SLC4A10: variants seen among roughly 807,000 people sequenced by gnomAD.
SLC4A10 encodes sodium-driven chloride bicarbonate exchanger.
SLC4A10 carries 42 observed loss-of-function variants against 137.7 expected under a neutral mutation model. The ratio of observed to expected loss-of-function variants is 0.30; its 90% CI spans 0.24 to 0.39. The LOEUF is 0.39. Ranked by LOEUF, SLC4A10 falls within the 10% of genes least tolerant of loss-of-function variation. The pLI is 1.00. For missense variants in SLC4A10, 925 were observed against 1,355.0 expected (o/e 0.68, Z 4.98); for synonymous variants, 474 against 464.1 (o/e 1.02, Z -0.27).
chr2:161,833,007 A>C (rs1173118916), intron 3 of SLC4A10, among the ~76,000 whole-genome samples: 4 of 152,192 alleles, frequency 2.6e-5, no homozygotes, highest in African/African-American at 9.6e-5. Context: ...CCCAAAGTGC[A>C]GTGTTGGGAT....
At chr2:161,625,648 G>C (rs1247421985) in intron 1 of SLC4A10, among the ~76,000 whole-genome samples, 2 of 152,042 alleles carry the variant, frequency 1.3e-5, no homozygotes, top group East Asian at 3.9e-4. Context: ...TCCGTAGGAG[G>C]AGTGGGCAAA....
intron 18 of SLC4A10, 30 bp from the exon 19 acceptor site, chr2:161,950,657 A>G (rs1694640740): frequency 6.4e-7 from 1 of 1,560,364 alleles, no homozygotes; most frequent in East Asian, 2.4e-5. Context: ...AATCCAGTTC[A>G]TAACTATGCA....
chr2:161,653,474 G>A (rs897907289), intron 1 of SLC4A10, among the ~76,000 whole-genome samples: 1 of 152,170 alleles, frequency 6.6e-6, no homozygotes, highest in Admixed American at 6.5e-5. Context: ...CAGTGTAAAA[G>A]CATTCCCATT....
At position 161,696,077 on chromosome 2, in the gene SLC4A10, C is replaced by T. The variant is rs1040384046; in HGVS notation, c.48+71511C>T. Reference sequence around the variant, plus strand: ...TCCCACCCCACTTCCCCCCACCCCACGACAGGCCCCGTGTGTGATGTTCCC... The same window carrying T: ...TCCCACCCCACTTCCCCCCACCCCATGACAGGCCCCGTGTGTGATGTTCCC... On this transcript the variant is annotated intron_variant, in intron 1 of 26. Coordinates refer to ENST00000446997, the MANE Select transcript of SLC4A10 (RefSeq NM_001178015.2). Among the ~76,000 whole-genome samples the T allele has an allele frequency of 1.6e-4, 24 of 150,768 alleles. No individual in the cohort carries two copies. The South Asian group carries it at 1.7e-3, about 11-fold the overall frequency.
chr2:161,799,398 T>C (rs753580361), intron 2 of SLC4A10, among the ~76,000 whole-genome samples: 5 of 151,880 alleles, frequency 3.3e-5, no homozygotes, highest in African/African-American at 7.2e-5. Context: ...ATTGGAAAAA[T>C]TGATGGTAAT....
intron 1 of SLC4A10, among the ~76,000 whole-genome samples, chr2:161,767,188 G>A (rs1282317233): frequency 1.4e-4 from 15 of 110,036 alleles, no homozygotes; most frequent in Non-Finnish European, 2.5e-4. Context: ...ATGTGTGTGT[G>A]TGTGTGTGTG....
intron 15 of SLC4A10, among the ~76,000 whole-genome samples, chr2:161,912,497 T>A (rs1204519668): frequency 2.6e-5 from 4 of 152,154 alleles, no homozygotes; most frequent in South Asian, 2.1e-4. Flanking sequence ...AATATAGTAA[T>A]GTTTTAACTT....
intron 2 of SLC4A10, among the ~76,000 whole-genome samples, chr2:161,780,346 T>G (rs1008996296): frequency 7.9e-5 from 12 of 151,984 alleles, no homozygotes; most frequent in Non-Finnish European, 1.3e-4. Flanking sequence ...GAATCTCTCA[T>G]TATAGCAGAG....
chr2:161,787,850 C>T (rs906914536), intron 2 of SLC4A10, among the ~76,000 whole-genome samples: 12 of 152,038 alleles, frequency 7.9e-5, no homozygotes, highest in Non-Finnish European at 1.6e-4. Context: ...TTTCAACATT[C>T]TCTTGGATAT....
chr2:161,655,089 C>A (rs914288448), intron 1 of SLC4A10, among the ~76,000 whole-genome samples: 1 of 151,932 alleles, frequency 6.6e-6, no homozygotes. Flanking sequence ...AGGTCTTTCA[C>A]CTCCTTGGTT....
At position 161,785,807 on chromosome 2, in the gene SLC4A10, T is replaced by A. The variant is rs370766439; in HGVS notation, c.130+14753T>A. Among the ~76,000 whole-genome samples, 15 of 151,986 alleles carry A rather than the reference T, an allele frequency of 9.9e-5. No individual in the cohort carries two copies. In the South Asian group the frequency reaches 1.5e-3, roughly 15 times the overall value. Reference sequence around the variant, plus strand: ...GGCAAGGATGTCTACTCTTGCTACTTCCATTCAACATAGTACTAGAAGTCC... The same window carrying A: ...GGCAAGGATGTCTACTCTTGCTACTACCATTCAACATAGTACTAGAAGTCC... On this transcript the variant is annotated intron_variant, in intron 2 of 26. Coordinates refer to ENST00000446997, the MANE Select transcript of SLC4A10 (RefSeq NM_001178015.2).
intron 1 of SLC4A10, among the ~76,000 whole-genome samples, chr2:161,713,296 CA>C (rs1397311904): frequency 6.6e-6 from 1 of 151,588 alleles, no homozygotes; most frequent in Non-Finnish European, 1.5e-5. Flanking sequence ...ATAAAAAAAA[CA>C]AAAGAGCAGT....
intron 10 of SLC4A10, among the ~76,000 whole-genome samples, chr2:161,888,470 G>A (rs1433000549): frequency 6.6e-6 from 1 of 151,988 alleles, no homozygotes; most frequent in Non-Finnish European, 1.5e-5. Flanking sequence ...TTATTTCCTC[G>A]AGCAGTGGTT....
chr2:161,708,695 C>G lies in SLC4A10; in HGVS notation c.49-62278C>G, dbSNP rs1207692720. 6 of 1,514,308 alleles carry G rather than the reference C, an allele frequency of 4.0e-6. No individual in the cohort carries two copies. The African/African-American group carries it at 8.4e-5, about 21-fold the overall frequency. 93.8% of individuals were successfully genotyped at this position (1,514,308 alleles called of 1,614,324 possible). A position where few individuals can be genotyped will look rare whatever the true frequency, so the allele number is the denominator to read the frequency against. ...GTTGTTTGATATTTTTTTCACTAGCCCTGAAGATGCTGAGACATAGAGATG... is the reference window on the plus strand; with the variant it reads ...GTTGTTTGATATTTTTTTCACTAGCGCTGAAGATGCTGAGACATAGAGATG... On this transcript the variant is annotated intron_variant, in intron 1 of 26. Coordinates refer to ENST00000446997, the MANE Select transcript of SLC4A10 (RefSeq NM_001178015.2).
intron 1 of SLC4A10, among the ~76,000 whole-genome samples, chr2:161,713,714 T>A (rs1034807282): frequency 1.3e-5 from 2 of 151,922 alleles, no homozygotes; most frequent in African/African-American, 4.8e-5. Context: ...AAATTAAAAT[T>A]GCCATTTTGA....
intron 11 of SLC4A10, among the ~76,000 whole-genome samples, chr2:161,895,311 A>C (rs1364584126): frequency 6.6e-6 from 1 of 152,026 alleles, no homozygotes; most frequent in Non-Finnish European, 1.5e-5. Flanking sequence ...CCAGTCTATC[A>C]TTGTTGGACA....
chr2:161,774,194 C>A (rs2052029050), intron 2 of SLC4A10, among the ~76,000 whole-genome samples: 1 of 151,758 alleles, frequency 6.6e-6, no homozygotes, highest in Non-Finnish European at 1.5e-5. Context: ...TGTTTTTGGC[C>A]TCCCACATCA....
intron 19 of SLC4A10, 149 bp from the exon 20 acceptor site, chr2:161,956,840 A>G (rs1695757298): frequency 1.2e-6 from 1 of 849,130 alleles, no homozygotes; most frequent in East Asian, 2.7e-5. Flanking sequence ...GCAATTGGAA[A>G]CTGAGTGTTT....
In SLC4A10 at chr2:161,851,767, A is replaced by G. The variant is rs143472567; in HGVS notation, c.417-3203A>G. Among the ~76,000 whole-genome samples the G allele has an allele frequency of 7.2e-3, 1,100 of 152,322 alleles. 13 individuals are homozygous for G. Among genetic ancestry groups the G allele is most frequent in the African/African-American group, 0.024 (995 of 41,570 alleles). ...TACAGCTTACAAACAATATTATTGT[A>G]TGGGTAAGTTTATAGAGTTACACTT... On this transcript the variant is annotated intron_variant, in intron 4 of 26. Coordinates refer to ENST00000446997, the MANE Select transcript of SLC4A10 (RefSeq NM_001178015.2).
Sources: allele counts gnomAD v4.1 joint callset (sites outside exome capture counted in the v4.1 genomes callset), GRCh38; gene constraint gnomAD v4.1.1; transcripts MANE v1.5; gene names NCBI Gene and HGNC (gene_info 2026-07-23, HGNC 2026-07-21).